The following UBA6 variants were observed in gnomAD, a reference collection of about 807,000 sequenced individuals.
UBA6 encodes ubiquitin-like modifier-activating enzyme 6.
UBA6 carries 87 observed loss-of-function variants against 148.3 expected under a neutral mutation model. The ratio of observed to expected loss-of-function variants is 0.59; its 90% confidence interval spans 0.49 to 0.70. The LOEUF (loss-of-function observed/expected upper bound fraction) is 0.70. UBA6 is among the 30% of genes least tolerant of loss of function. UBA6 has a pLI of 0.00. For synonymous variants in UBA6, 376 were observed against 401.0 expected (o/e 0.94, Z 0.75); for missense variants, 1,186 against 1,241.2 (o/e 0.96, Z 0.67).
At chr4:67,643,809 T>C (rs2109915064) in intron 17 of UBA6, among the ~76,000 whole-genome samples, 2 of 152,200 alleles carry the variant, frequency 1.3e-5, no homozygotes, top group East Asian at 1.9e-4. Context: ...ACAGTTCTTT[T>C]CCTGACCTTT....
chr4:67,629,220 T>A, intron 26 of UBA6, 78 bp from the exon 27 acceptor site: 1 of 868,208 alleles, frequency 1.2e-6, no homozygotes, highest in Non-Finnish European at 1.9e-6. Context: ...CAAAAGGTCC[T>A]TAATCATATT....
intron 18 of UBA6, among the ~76,000 whole-genome samples, chr4:67,639,525 T>G (rs1485511938): frequency 6.6e-6 from 1 of 152,198 alleles, no homozygotes; most frequent in African/African-American, 2.4e-5. Context: ...AGATAAGTTC[T>G]TAGAGGTATG....
chr4:67,681,528 C>T (rs746669069), intron 4 of UBA6, 35 bp downstream of exon 4: 3 of 1,490,212 alleles, frequency 2.0e-6, no homozygotes, highest in Non-Finnish European at 2.7e-6. Flanking sequence ...AAAAAAGGCT[C>T]ATAACAATTT....
At chr4:67,639,879 A>G (rs1164176583) in intron 18 of UBA6, among the ~76,000 whole-genome samples, 1 of 152,210 alleles carries the variant, frequency 6.6e-6, no homozygotes, top group Non-Finnish European at 1.5e-5. Context: ...ACCACACTGT[A>G]CTCACCTATT....
chr4:67,649,255 C>A lies in UBA6; in HGVS notation c.1105-44G>T, dbSNP rs200127006. On this transcript the variant is annotated intron_variant, in intron 13 of 32. Coordinates refer to ENST00000322244, the MANE Select transcript of UBA6 (RefSeq NM_018227.6). ...AAGACAATAACATTAACAGCATTTA[C>A]ACAGTACACTTAAAATTCCAATGAC... 109 of 1,530,416 alleles carry A rather than the reference C, an allele frequency of 7.1e-5. No homozygotes were observed. The Middle Eastern group carries it at 8.7e-4, about 12-fold the overall frequency. The allele number at this position is 1,530,416 out of a possible 1,614,324, so 94.8% of individuals were successfully genotyped here.
chr4:67,699,633 C>T (rs1730924674), intron 1 of UBA6, among the ~76,000 whole-genome samples: 1 of 152,132 alleles, frequency 6.6e-6, no homozygotes, highest in African/African-American at 2.4e-5. Flanking sequence ...CAGGGTCTCT[C>T]TCTGTCACCC....
At chr4:67,664,987 GT>G (rs1439318768) in intron 10 of UBA6, among the ~76,000 whole-genome samples, 1 of 152,096 alleles carries the variant, frequency 6.6e-6, no homozygotes, top group Non-Finnish European at 1.5e-5. Context: ...AGATGTGTAA[GT>G]TTTTTGTTAA....
At chr4:67,681,092 T>G (rs1730424127) in intron 4 of UBA6, among the ~76,000 whole-genome samples, 1 of 152,128 alleles carries the variant, frequency 6.6e-6, no homozygotes, top group African/African-American at 2.4e-5. Context: ...ACAGAAACTA[T>G]GAGACAACAA....
At chr4:67,682,295 C>T in intron 2 of UBA6, 82 bp from the exon 3 acceptor site, 1 of 1,029,778 alleles carries the variant, frequency 9.7e-7, no homozygotes. Flanking sequence ...AAACTAAAAG[C>T]CTAGGAACTC....
rs1577782269 is a variant in UBA6 at position 67,617,830 on chromosome 4, T to C, written c.*1167A>G. 6.6e-6 allele frequency: 1 copy of C among 152,156 alleles called. No homozygotes were observed. The highest frequency in any genetic ancestry group is 2.1e-4 in the South Asian group (1 of 4,828). 9.4% of individuals were successfully genotyped at this position (152,156 alleles called of 1,614,324 possible). On this transcript the variant is annotated 3_prime_UTR_variant, in exon 33 of 33. Coordinates refer to ENST00000322244, the MANE Select transcript of UBA6 (RefSeq NM_018227.6). ...TCAGAATGCATGACAGTCTTAGTAA[T>C]AAAAGAATCATTTACTATTTTCACT...
At chr4:67,659,650 G>GGAATATATAAAATATATGTATTT (rs368730151) in intron 13 of UBA6, among the ~76,000 whole-genome samples, 22 of 151,462 alleles carry the variant, frequency 1.5e-4, no homozygotes, top group South Asian at 2.1e-4. Context: ...ATTTTATATA[G>GGAATATATAAAATATATGTATTT]CATATGCAGT....
chr4:67,631,987 G>C, intron 23 of UBA6, 79 bp from the exon 24 acceptor site: 1 of 1,340,168 alleles, frequency 7.5e-7, no homozygotes, highest in Non-Finnish European at 1.0e-6. Context: ...ATTAAAAAAT[G>C]TGTGTAGTAA....
At chr4:67,696,490 C>T (rs958249843) in intron 2 of UBA6, among the ~76,000 whole-genome samples, 155 bp downstream of exon 2, 1 of 149,860 alleles carries the variant, frequency 6.7e-6, no homozygotes, top group African/African-American at 2.5e-5. Flanking sequence ...TATACACACA[C>T]ATATATATAC....
intron 14 of UBA6, among the ~76,000 whole-genome samples, chr4:67,647,043 G>C (rs1013237922): frequency 2.6e-5 from 4 of 152,194 alleles, no homozygotes; most frequent in Admixed American, 6.5e-5. Context: ...TCACAAACAT[G>C]ATGTATCCTA....
At chr4:67,665,739 AGAT>A (rs201626114) in intron 9 of UBA6, among the ~76,000 whole-genome samples, 3,268 of 152,072 alleles carry the variant, frequency 0.021, 49 homozygotes, top group Non-Finnish European at 0.03. Flanking sequence ...AGTAATGAAA[AGAT>A]AAGATTATTC....
At chr4:67,626,883 C>G (rs1181666800) in intron 27 of UBA6, among the ~76,000 whole-genome samples, 2 of 152,074 alleles carry the variant, frequency 1.3e-5, no homozygotes, top group East Asian at 3.9e-4. Flanking sequence ...TTAATCAACA[C>G]TTTGTGATTC....
chr4:67,681,501 A>C, intron 4 of UBA6, 62 bp downstream of exon 4: 1 of 1,134,550 alleles, frequency 8.8e-7, no homozygotes, highest in Non-Finnish European at 1.3e-6. Flanking sequence ...CAATATTACC[A>C]TAACAAATGA....
intron 1 of UBA6, 140 bp downstream of exon 1, chr4:67,700,909 C>T: frequency 1.0e-6 from 1 of 966,226 alleles, no homozygotes; most frequent in South Asian, 1.4e-5. Context: ...ACTCCGCGCG[C>T]GCCCCTCGCC....
chr4:67,678,838 G>A lies in UBA6; in HGVS notation c.259-305C>T, dbSNP rs182981831. 4.1e-4 allele frequency among the ~76,000 whole-genome samples: 63 copies of A among 152,194 alleles called. 2 individuals carry two copies. In the East Asian group the frequency reaches 0.011, roughly 28 times the overall value. On this transcript the variant is annotated intron_variant, in intron 4 of 32. Transcript: ENST00000322244. ...TAAACTGGCTCAACCTCAACGGAAAGGAATTTGGCAATCTCTAGCAAAAAG... is the reference window on the plus strand; with the variant it reads ...TAAACTGGCTCAACCTCAACGGAAAAGAATTTGGCAATCTCTAGCAAAAAG...
Sources: allele counts gnomAD v4.1 joint callset (sites outside exome capture counted in the v4.1 genomes callset), GRCh38; gene constraint gnomAD v4.1.1; transcripts MANE v1.5; gene names NCBI Gene and HGNC (gene_info 2026-07-23, HGNC 2026-07-21).